The following EDIL3 variants were observed in gnomAD, a reference collection of about 807,000 sequenced individuals.
The protein encoded by EDIL3 is EGF like and discoidin domains 3.
EDIL3 carries 37 observed loss-of-function variants against 67.4 expected under a neutral mutation model. The ratio of observed to expected loss-of-function variants is 0.55; its 90% CI spans 0.42 to 0.72. The LOEUF (loss-of-function observed/expected upper bound fraction) is 0.72, where lower values mean the gene tolerates loss of function less well. Among genes scored for constraint, EDIL3 ranks in the 30% least tolerant of loss-of-function variants. The probability of loss-of-function intolerance (pLI) is 0.00; values close to 1 mark genes in which losing one functional copy is unlikely to be tolerated. For synonymous variants in EDIL3, 195 were observed against 196.3 expected (o/e 0.99, Z 0.05); for missense variants, 527 against 586.3 (o/e 0.90, Z 1.04).
intron 6 of EDIL3, among the ~76,000 whole-genome samples, chr5:84,075,947 T>TTATATATA (rs10546643): frequency 1.5e-5 from 2 of 130,634 alleles, no homozygotes; most frequent in East Asian, 2.0e-4. Flanking sequence ...ATTGTGGGTT[T>TTATATATA]TATATATATA....
chr5:84,196,326 C>T (rs1325746507), intron 3 of EDIL3, among the ~76,000 whole-genome samples: 1 of 152,102 alleles, frequency 6.6e-6, no homozygotes, highest in East Asian at 1.9e-4. Context: ...TCCTCTAACT[C>T]TCACCTCTAC....
chr5:84,125,203 G>A (rs348903), intron 5 of EDIL3, among the ~76,000 whole-genome samples: 46,497 of 151,744 alleles, frequency 0.31, 7,682 homozygotes, highest in Non-Finnish European at 0.37. Context: ...ATTTTACAGA[G>A]GTAAACTGAA....
chr5:84,138,477 G>A (rs916061687), intron 4 of EDIL3, among the ~76,000 whole-genome samples: 5 of 152,116 alleles, frequency 3.3e-5, no homozygotes, highest in Non-Finnish European at 5.9e-5. Flanking sequence ...AAATAGTCAT[G>A]TGCACAATCT....
chr5:84,122,127 T>A (rs2112299885), intron 5 of EDIL3, among the ~76,000 whole-genome samples: 1 of 152,066 alleles, frequency 6.6e-6, no homozygotes, highest in South Asian at 2.1e-4. Context: ...CTCTTGTATA[T>A]CTCCTCATCC....
chr5:84,274,934 G>A (rs748155248), intron 1 of EDIL3, among the ~76,000 whole-genome samples: 7 of 151,986 alleles, frequency 4.6e-5, no homozygotes, highest in Non-Finnish European at 8.8e-5. Context: ...TGCCAGTCTC[G>A]CAAAATAACC....
rs371418305 is a variant in EDIL3, at chr5:84,262,457, G to A, written c.68-8245C>T. Among the ~76,000 whole-genome samples the A allele has an allele frequency of 2.5e-4, 38 of 151,924 alleles. No homozygotes were observed. In the East Asian group the frequency reaches 6.0e-3, roughly 24 times the overall value. On this transcript the variant is annotated intron_variant, in intron 1 of 10. Transcript: ENST00000296591. ...CTAGCTTTCTTTGTTAATTCACTGA[G>A]TTAAGAAAAAAATCATTTGCAGGAA... is the stretch of plus-strand genomic sequence containing the variant.
At chr5:84,193,354 T>C (rs1336902508) in intron 3 of EDIL3, among the ~76,000 whole-genome samples, 1 of 151,914 alleles carries the variant, frequency 6.6e-6, no homozygotes, top group African/African-American at 2.4e-5. Context: ...CTATTCTGTT[T>C]CTAGATTTCA....
intron 1 of EDIL3, among the ~76,000 whole-genome samples, chr5:84,350,877 C>T (rs1227106411): frequency 6.6e-6 from 1 of 152,062 alleles, no homozygotes; most frequent in Non-Finnish European, 1.5e-5. Context: ...ATCATTTAAA[C>T]ATATAATCAA....
At chr5:84,356,276 T>C (rs1047388313) in intron 1 of EDIL3, among the ~76,000 whole-genome samples, 1 of 152,216 alleles carries the variant, frequency 6.6e-6, no homozygotes, top group Non-Finnish European at 1.5e-5. Context: ...TCTAATTTAG[T>C]TGTTCTTTCA....
chr5:84,254,172 G>C lies in EDIL3; in HGVS notation c.108C>G (p.Ile36Met). 1 of 1,612,288 alleles carries C rather than the reference G, an allele frequency of 6.2e-7. No homozygotes were observed. Among genetic ancestry groups the C allele is most frequent in the Non-Finnish European group, 8.5e-7 (1 of 1,179,114 alleles). ...CDPNPCENGG[I>M]CLPGLADGSF... Reference sequence around the variant, plus strand: ...AACCATCAGCCAATCCTGGCAAACAGATACCTCCATTTTCACATGGATTGG... The same window carrying C: ...AACCATCAGCCAATCCTGGCAAACACATACCTCCATTTTCACATGGATTGG... Residue 36 changes from isoleucine (I) to methionine (M), a missense_variant, in exon 2 of 11, where the codon ATC becomes ATG. Coordinates refer to ENST00000296591, the MANE Select transcript of EDIL3 (RefSeq NM_005711.5).
chr5:84,279,578 C>T (rs141663919), intron 1 of EDIL3, among the ~76,000 whole-genome samples: 200 of 152,242 alleles, frequency 1.3e-3, no homozygotes, highest in Middle Eastern at 3.4e-3. Flanking sequence ...CTATTATTTA[C>T]TTTGAATAAT....
chr5:84,087,155 C>T (rs767005124), intron 6 of EDIL3, among the ~76,000 whole-genome samples: 1 of 152,152 alleles, frequency 6.6e-6, no homozygotes, highest in Non-Finnish European at 1.5e-5. Context: ...AGTTAAAAGT[C>T]CTGACTATAA....
Position 84,182,809 on chromosome 5 carries a change from A to AT in EDIL3, c.227-2289dup, listed in dbSNP as rs5869214. On this transcript the variant is annotated intron_variant, in intron 3 of 10. Transcript: ENST00000296591. Reference sequence around the variant, plus strand: ...GTAAAAAGGATTCAGGGGCTCTGTGATTTTTTTTTTTTGTCAGCACCACAC... The same window carrying AT: ...GTAAAAAGGATTCAGGGGCTCTGTGATTTTTTTTTTTTTGTCAGCACCACAC... Among the ~76,000 whole-genome samples the AT allele has an allele frequency of 1.3e-3, 188 of 149,096 alleles. 2 individuals carry two copies. The South Asian group carries it at 0.013, about 10-fold the overall frequency.
chr5:84,018,640 A>G (rs868180446), intron 9 of EDIL3, among the ~76,000 whole-genome samples: 19 of 152,264 alleles, frequency 1.2e-4, no homozygotes, highest in Admixed American at 4.6e-4. Flanking sequence ...AGGAAAGCTC[A>G]TATATTTCCC....
intron 1 of EDIL3, among the ~76,000 whole-genome samples, chr5:84,258,903 A>G (rs1745170912): frequency 6.6e-6 from 1 of 151,826 alleles, no homozygotes; most frequent in South Asian, 2.1e-4. Context: ...CTAAAATGCA[A>G]TAGGTTCCTA....
chr5:84,369,357 A>G (rs1561270913), intron 1 of EDIL3, among the ~76,000 whole-genome samples: 1 of 152,058 alleles, frequency 6.6e-6, no homozygotes, highest in Non-Finnish European at 1.5e-5. Context: ...CGACAACACA[A>G]CATACACATA....
intron 1 of EDIL3, among the ~76,000 whole-genome samples, chr5:84,375,239 G>A (rs1285134286): frequency 1.3e-5 from 2 of 152,012 alleles, no homozygotes; most frequent in Non-Finnish European, 2.9e-5. Context: ...CAAAGTGCTG[G>A]GATTACAGGC....
chr5:84,349,841 C>A (rs913242321), intron 1 of EDIL3, among the ~76,000 whole-genome samples: 2 of 151,926 alleles, frequency 1.3e-5, no homozygotes, highest in African/African-American at 4.8e-5. Context: ...TGTAAAGGTA[C>A]AAATATCTTA....
At chr5:84,117,718 T>A (rs1747696432) in intron 5 of EDIL3, among the ~76,000 whole-genome samples, 1 of 151,858 alleles carries the variant, frequency 6.6e-6, no homozygotes, top group African/African-American at 2.4e-5. Context: ...GAGGACTTAA[T>A]ACTTTTTTTT....
Sources: gnomAD v4.1 joint callset for allele counts (sites outside exome capture counted in the v4.1 genomes callset) on GRCh38, gnomAD v4.1.1 for gene constraint, MANE v1.5 for transcripts, NCBI Gene and HGNC (gene_info 2026-07-23, HGNC 2026-07-21) for gene names.